PCCA: variants seen among roughly 807,000 people sequenced by gnomAD.
PCCA encodes propionyl-CoA carboxylase alpha chain, mitochondrial.
PCCA carries 74 observed loss-of-function variants against 101.3 expected under a neutral mutation model. That is an observed-to-expected ratio of 0.73 (90% CI 0.61 to 0.89). The LOEUF is 0.89. Ranked by LOEUF, PCCA falls within the 40% of genes least tolerant of loss-of-function variation. The pLI, the probability that PCCA is intolerant of heterozygous loss-of-function variation, is 0.00. For missense variants in PCCA, 891 were observed against 907.0 expected, an observed-to-expected ratio of 0.98 and a Z score of 0.23; for synonymous variants, 294 against 313.6, an observed-to-expected ratio of 0.94 and a Z score of 0.66.
At chr13:100,364,297 T>C (rs2074946283) in intron 18 of PCCA, among the ~76,000 whole-genome samples, 1 of 152,214 alleles carries the variant, frequency 6.6e-6, no homozygotes, top group African/African-American at 2.4e-5. Context: ...AAATCTTCTT[T>C]GAGACTATTT....
intron 12 of PCCA, among the ~76,000 whole-genome samples, chr13:100,293,919 T>C (rs1595160656): frequency 6.6e-6 from 1 of 152,362 alleles, no homozygotes; most frequent in East Asian, 1.9e-4. Context: ...TATTGCTGTC[T>C]GAGTTCTGGA....
intron 22 of PCCA, among the ~76,000 whole-genome samples, chr13:100,523,554 C>T (rs551491228): frequency 4.6e-5 from 7 of 152,166 alleles, no homozygotes; most frequent in South Asian, 2.1e-4. Context: ...CGGGCCCCCA[C>T]GACATGCGAA....
At chr13:100,301,175 A>G (rs2066031636) in intron 12 of PCCA, among the ~76,000 whole-genome samples, 1 of 152,248 alleles carries the variant, frequency 6.6e-6, no homozygotes, top group African/African-American at 2.4e-5. Context: ...AATTAGTTTC[A>G]AAATTAAAAT....
chr13:100,119,367 T>C (rs542637022), intron 4 of PCCA, among the ~76,000 whole-genome samples: 3 of 152,292 alleles, frequency 2.0e-5, no homozygotes, highest in Non-Finnish European at 4.4e-5. Flanking sequence ...TTGGTGCTTT[T>C]GTTGTTGAAT....
At chr13:100,117,060 C>T (rs184381944) in intron 4 of PCCA, among the ~76,000 whole-genome samples, 1 of 152,288 alleles carries the variant, frequency 6.6e-6, no homozygotes, top group African/African-American at 2.4e-5. Flanking sequence ...TTTACTCCCT[C>T]CAGAAATGTC....
At chr13:100,435,519 C>T (rs1009415076) in intron 20 of PCCA, among the ~76,000 whole-genome samples, 2 of 152,162 alleles carry the variant, frequency 1.3e-5, no homozygotes, top group Non-Finnish European at 2.9e-5. Flanking sequence ...TCATCCAGTC[C>T]GATCACGTGT....
chr13:100,410,955 G>A (rs756541929), intron 19 of PCCA, among the ~76,000 whole-genome samples: 4 of 152,136 alleles, frequency 2.6e-5, no homozygotes, highest in Non-Finnish European at 5.9e-5. Context: ...TAGCAAACTT[G>A]TTAGTTAGCC....
intron 7 of PCCA, among the ~76,000 whole-genome samples, chr13:100,218,841 T>C (rs1368027677): frequency 2.0e-5 from 3 of 152,250 alleles, no homozygotes; most frequent in Non-Finnish European, 4.4e-5. Context: ...AGAACAAGAT[T>C]CTTTTTGCTG....
intron 20 of PCCA, among the ~76,000 whole-genome samples, chr13:100,431,154 G>C (rs752432476): frequency 9.9e-5 from 15 of 152,080 alleles, no homozygotes; most frequent in Non-Finnish European, 2.1e-4. Flanking sequence ...GGTTTAGATG[G>C]CATCTCATTA....
Position 100,449,289 on chromosome 13 carries a change from A to C in PCCA, c.1883A>C (p.Gln628Pro). The change falls in exon 21 of 24, where the codon CAG becomes CCG. Residue 628 changes from glutamine (Q) to proline (P), a missense_variant. Transcript: ENST00000376285. ...GAAGCAGGTGGAAACATGAGCATTC[A>C]GTTTCTTGGTACAGTGGTAAGTATG... ...SREAGGNMSI[Q>P]FLGTVYKVNI... is the part of the protein sequence containing the mutation. 3 of 1,537,442 alleles carry C rather than the reference A, an allele frequency of 2.0e-6. No individual in the cohort carries two copies. Among genetic ancestry groups the C allele is most frequent in the Non-Finnish European group, 2.6e-6 (3 of 1,134,486 alleles).
intron 21 of PCCA, among the ~76,000 whole-genome samples, chr13:100,494,072 C>A (rs1264954708): frequency 6.6e-6 from 1 of 152,008 alleles, no homozygotes; most frequent in African/African-American, 2.4e-5. Flanking sequence ...GCCTGTAATC[C>A]CAGCTACTCA....
intron 22 of PCCA, among the ~76,000 whole-genome samples, chr13:100,524,412 T>TGTGTGTGTGTGTGTGTGTGTGTG (rs59438858): frequency 9.4e-5 from 14 of 148,918 alleles, no homozygotes; most frequent in South Asian, 6.4e-4. Flanking sequence ...TGTGTGTGTG[T>TGTGTGTGTGTGTGTGTGTGTGTG]TGGGGTAGAA....
At chr13:100,452,686 T>C (rs1004521591) in intron 21 of PCCA, among the ~76,000 whole-genome samples, 42 of 152,302 alleles carry the variant, frequency 2.8e-4, no homozygotes, top group African/African-American at 9.6e-4. Flanking sequence ...CTGCTTGACA[T>C]ACTGCAATTT....
intron 19 of PCCA, among the ~76,000 whole-genome samples, chr13:100,377,386 C>G (rs546666298): frequency 1.3e-5 from 2 of 152,132 alleles, no homozygotes; most frequent in Admixed American, 6.5e-5. Context: ...TTTTCCATCC[C>G]TTTACTTTCA....
rs554287726 is a variant in PCCA, at chr13:100,318,187, C to T, written c.1429+8279C>T. Reference sequence around the variant, plus strand: ...TGGAATCTGTGCATGGCCTATCACACGCTGAATGCCTATTGGCCTTTTCAC... The same window carrying T: ...TGGAATCTGTGCATGGCCTATCACATGCTGAATGCCTATTGGCCTTTTCAC... On this transcript the variant is annotated intron_variant, in intron 16 of 23. Coordinates refer to ENST00000376285, the MANE Select transcript of PCCA (RefSeq NM_000282.4). Among the ~76,000 whole-genome samples, 8 of 152,270 alleles carry T rather than the reference C, an allele frequency of 5.3e-5. No homozygotes were observed. In the South Asian group the frequency reaches 6.2e-4, roughly 12 times the overall value.
At chr13:100,325,242 A>G (rs927874149) in intron 16 of PCCA, among the ~76,000 whole-genome samples, 2 of 152,230 alleles carry the variant, frequency 1.3e-5, no homozygotes, top group Non-Finnish European at 2.9e-5. Context: ...TTACTATAAG[A>G]AAGGCATTCC....
chr13:100,209,036 G>T (rs772547253), intron 6 of PCCA, among the ~76,000 whole-genome samples: 2 of 152,168 alleles, frequency 1.3e-5, no homozygotes, highest in Non-Finnish European at 2.9e-5. Context: ...AGATTAGGTG[G>T]TGTAGGACGT....
intron 21 of PCCA, chr13:100,490,408 C>G (rs2084815134): frequency 6.6e-6 from 1 of 152,168 alleles, no homozygotes; most frequent in Non-Finnish European, 1.5e-5. Flanking sequence ...ATTCCTGCAT[C>G]AAGGCGGAAC....
intron 6 of PCCA, among the ~76,000 whole-genome samples, chr13:100,174,654 G>A (rs1049341299): frequency 2.0e-5 from 3 of 149,014 alleles, no homozygotes; most frequent in Non-Finnish European, 4.4e-5. Flanking sequence ...CTTGGACCTG[G>A]AAGGTGGAGG....
Sources: allele counts gnomAD v4.1 joint callset (sites outside exome capture counted in the v4.1 genomes callset), GRCh38; gene constraint gnomAD v4.1.1; transcripts MANE v1.5; gene names NCBI Gene and HGNC (gene_info 2026-07-23, HGNC 2026-07-21).